Variants in C5orf63 observed in about 807,000 individuals in gnomAD.
The protein encoded by C5orf63 is chromosome 5 open reading frame 63.
A neutral mutation model predicts 13.3 loss-of-function variants in C5orf63; 18 were observed. The ratio of observed to expected loss-of-function variants is 1.36; its 90% CI spans 0.94 to 2.01. The LOEUF is 2.01. Ranked by LOEUF, C5orf63 falls within the 30% of genes most tolerant of loss-of-function variation. The probability of loss-of-function intolerance (pLI) is 0.00; values close to 1 mark genes in which losing one functional copy is unlikely to be tolerated. For missense variants in C5orf63, 118 were observed against 127.7 expected (o/e 0.92, Z 0.36); for synonymous variants, 38 against 44.7 (o/e 0.85, Z 0.60).
intron 2 of C5orf63, among the ~76,000 whole-genome samples, chr5:127,066,378 A>G (rs569894276): frequency 6.6e-5 from 10 of 152,288 alleles, no homozygotes; most frequent in African/African-American, 2.4e-4. Context: ...AGAGTGGAGC[A>G]GGGACGCAGG....
intron 4 of C5orf63, 143 bp downstream of exon 4, chr5:127,052,469 TA>T: frequency 1.8e-6 from 1 of 568,880 alleles, no homozygotes; most frequent in Non-Finnish European, 2.7e-6. Flanking sequence ...TAATAAGCAC[TA>T]AACTCTCTCT....
intron 2 of C5orf63, among the ~76,000 whole-genome samples, chr5:127,062,611 C>G (rs1186802090): frequency 6.6e-6 from 1 of 152,160 alleles, no homozygotes; most frequent in Non-Finnish European, 1.5e-5. Flanking sequence ...AATGGGAACT[C>G]TATAATATTC....
chr5:127,054,378 C>T (rs978102524), intron 3 of C5orf63, among the ~76,000 whole-genome samples: 5 of 152,158 alleles, frequency 3.3e-5, no homozygotes, highest in African/African-American at 4.8e-5. Context: ...CCTGTTTCTC[C>T]ACATCCTCTC....
At chr5:127,045,416 A>G (rs573076923) in exon 5 of C5orf63, 5 of 152,144 alleles carry the variant, frequency 3.3e-5, no homozygotes, top group East Asian at 1.9e-4. Context: ...TATCACTCCA[A>G]CCTTTTGCTT....
At chr5:127,058,528 A>G (rs1346345403) in intron 3 of C5orf63, among the ~76,000 whole-genome samples, 2 of 152,230 alleles carry the variant, frequency 1.3e-5, no homozygotes, top group Admixed American at 1.3e-4. Flanking sequence ...TTCCCCTAGG[A>G]GCAATATTCA....
intron 2 of C5orf63, among the ~76,000 whole-genome samples, chr5:127,059,351 G>T (rs970848573): frequency 1.1e-4 from 17 of 151,934 alleles, no homozygotes; most frequent in African/African-American, 4.1e-4. Context: ...AAATATGGAG[G>T]TTTCCTGAGA....
At chr5:127,072,908 G>C (rs1283428611) in intron 1 of C5orf63, among the ~76,000 whole-genome samples, 2 of 152,208 alleles carry the variant, frequency 1.3e-5, no homozygotes, top group African/African-American at 4.8e-5. Flanking sequence ...CCAGAGGGCT[G>C]CTTTTGCCCA....
intron 2 of C5orf63, among the ~76,000 whole-genome samples, chr5:127,059,723 T>C (rs1754025676): frequency 7.2e-6 from 1 of 138,192 alleles, no homozygotes. Flanking sequence ...CATGAGATCT[T>C]ATCTCAAAAA....
downstream of C5orf63, chr5:127,047,466 C>T (rs1753543520): frequency 2.0e-6 from 1 of 496,058 alleles, no homozygotes; most frequent in Non-Finnish European, 3.6e-6. Context: ...GCTGTTGGGA[C>T]CCATGGGTTT....
downstream of C5orf63, chr5:127,047,462 G>T: frequency 2.1e-6 from 1 of 483,310 alleles, no homozygotes; most frequent in Non-Finnish European, 3.7e-6. Context: ...GCCAGCTGTT[G>T]GGACCCATGG....
chr5:127,055,623 A>G (rs998012115), intron 3 of C5orf63, among the ~76,000 whole-genome samples: 4 of 152,340 alleles, frequency 2.6e-5, no homozygotes, highest in African/African-American at 9.6e-5. Flanking sequence ...TTATCATGTT[A>G]TTATTAGCAT....
chr5:127,063,809 G>A (rs1448522256), intron 2 of C5orf63, among the ~76,000 whole-genome samples: 1 of 152,194 alleles, frequency 6.6e-6, no homozygotes, highest in Non-Finnish European at 1.5e-5. Context: ...TGCCATGTGA[G>A]AAGTTAAGTG....
chr5:127,059,391 T>C (rs1187464102), intron 2 of C5orf63, among the ~76,000 whole-genome samples: 1 of 152,126 alleles, frequency 6.6e-6, no homozygotes, highest in African/African-American at 2.4e-5. Flanking sequence ...TAGCTTATTA[T>C]ACTGGCAAGC....
chr5:127,049,806 G>A (rs993729878), downstream of C5orf63, among the ~76,000 whole-genome samples: 1 of 152,194 alleles, frequency 6.6e-6, no homozygotes, highest in African/African-American at 2.4e-5. Context: ...GAGTCTCACT[G>A]AGCTGAAATC....
At chr5:127,069,912 G>A (rs1754471286) in intron 2 of C5orf63, among the ~76,000 whole-genome samples, 1 of 152,018 alleles carries the variant, frequency 6.6e-6, no homozygotes, top group Non-Finnish European at 1.5e-5. Flanking sequence ...TCATTTCTCT[G>A]TATTTTCTCC....
At chr5:127,044,291 T>C (rs563279248), downstream of C5orf63, 5 of 152,318 alleles carry the variant, frequency 3.3e-5, no homozygotes, top group South Asian at 8.3e-4. Context: ...ACTACTAGTC[T>C]ATTAGCTGGC....
intron 2 of C5orf63, among the ~76,000 whole-genome samples, chr5:127,059,282 T>G (rs944139110): frequency 2.0e-5 from 3 of 152,212 alleles, no homozygotes; most frequent in African/African-American, 7.2e-5. Flanking sequence ...TGCATGGGTT[T>G]GTTAATTTGA....
downstream of C5orf63, chr5:127,047,736 C>T (rs1362141935): frequency 8.5e-6 from 6 of 703,752 alleles, no homozygotes; most frequent in Non-Finnish European, 1.6e-5. Context: ...AATAGAATGC[C>T]CCACAGTCAC....
chr5:127,070,435 A>G (rs1418627797), intron 2 of C5orf63, among the ~76,000 whole-genome samples: 2 of 152,198 alleles, frequency 1.3e-5, no homozygotes, highest in African/African-American at 2.4e-5. Context: ...AGTTGTAACA[A>G]TGCGATTTCT....
Sources: gnomAD v4.1 joint callset for allele counts (sites outside exome capture counted in the v4.1 genomes callset) on GRCh38, gnomAD v4.1.1 for gene constraint, MANE v1.5 for transcripts, NCBI Gene and HGNC (gene_info 2026-07-23, HGNC 2026-07-21) for gene names.